TBC1D8: variants seen among roughly 807,000 people sequenced by gnomAD.
TBC1D8 encodes the protein BUB2-like protein 1.
TBC1D8 carries 65 observed loss-of-function variants against 118.8 expected under a neutral mutation model. That is an observed-to-expected ratio of 0.55 (90% CI 0.45 to 0.67). The LOEUF (loss-of-function observed/expected upper bound fraction) is 0.67. TBC1D8 is among the 30% of genes least tolerant of loss of function. The pLI, the probability that TBC1D8 is intolerant of heterozygous loss-of-function variation, is 0.00. For missense variants in TBC1D8, 1,376 were observed against 1,471.2 expected (o/e 0.94, Z 1.06); for synonymous variants, 566 against 595.8 (o/e 0.95, Z 0.73).
At position 101,042,741 on chromosome 2, in the gene TBC1D8, T is replaced by C. The variant is rs534735407; in HGVS notation, c.873-2356A>G. ...CTTACATTTTCTACATGACTACATATTAGCTTTAAAAAAAAAAAAAACCTT... is the reference window on the plus strand; with the variant it reads ...CTTACATTTTCTACATGACTACATACTAGCTTTAAAAAAAAAAAAAACCTT... On this transcript the variant is annotated intron_variant, in intron 5 of 19. Coordinates refer to ENST00000409318, the MANE Select transcript of TBC1D8 (RefSeq NM_001330348.2). 8.0e-4 allele frequency among the ~76,000 whole-genome samples: 120 copies of C among 150,814 alleles called. 1 individual carries two copies. The South Asian group carries it at 0.024, about 31-fold the overall frequency.
chr2:101,070,858 T>C (rs1683273705), intron 2 of TBC1D8, among the ~76,000 whole-genome samples: 11 of 152,180 alleles, frequency 7.2e-5, no homozygotes, highest in Admixed American at 7.2e-4. Context: ...GTTACTGTAA[T>C]TATCTACATA....
chr2:101,139,687 A>G (rs1679015879), intron 1 of TBC1D8, among the ~76,000 whole-genome samples: 1 of 151,964 alleles, frequency 6.6e-6, no homozygotes, highest in Non-Finnish European at 1.5e-5. Context: ...AGGCCTCAGG[A>G]CCTTTGCACA....
intron 1 of TBC1D8, among the ~76,000 whole-genome samples, chr2:101,117,998 T>C (rs1290511016): frequency 6.6e-6 from 1 of 150,630 alleles, no homozygotes; most frequent in Admixed American, 6.6e-5. Context: ...AGTAACTTCC[T>C]CCTCCTTGAC....
chr2:101,078,765 A>AAAAAAAAAAG, intron 2 of TBC1D8, among the ~76,000 whole-genome samples: 1 of 65,878 alleles, frequency 1.5e-5, no homozygotes, highest in Non-Finnish European at 3.5e-5. Context: ...AAAAAAAAAA[A>AAAAAAAAAAG]AAAAAAAAAG....
intron 1 of TBC1D8, among the ~76,000 whole-genome samples, chr2:101,137,030 T>TC (rs1678883818): frequency 8.8e-6 from 1 of 113,546 alleles, no homozygotes; most frequent in African/African-American, 3.1e-5. Context: ...CTAGGCTAAT[T>TC]CTTTTTTTTT....
At chr2:101,038,371 C>T (rs1396029828) in intron 7 of TBC1D8, 90 bp downstream of exon 7, 6 of 1,392,290 alleles carry the variant, frequency 4.3e-6, no homozygotes, top group Non-Finnish European at 5.9e-6. Context: ...TCTTCTCATC[C>T]CCACATGGCT....
At chr2:101,137,382 G>A (rs574131602) in intron 1 of TBC1D8, among the ~76,000 whole-genome samples, 91 of 151,786 alleles carry the variant, frequency 6.0e-4, no homozygotes, top group Non-Finnish European at 1.2e-3. Context: ...GCATGATCTC[G>A]GCTCACTGCA....
intron 17 of TBC1D8, among the ~76,000 whole-genome samples, chr2:101,011,923 G>A (rs1374246729): frequency 1.3e-5 from 2 of 152,258 alleles, no homozygotes; most frequent in Admixed American, 6.5e-5. Context: ...TCTGGGTGGT[G>A]GAGTAATTGG....
At position 101,040,286 on chromosome 2, in the gene TBC1D8, C is replaced by T. The variant is rs34425369; in HGVS notation, c.972G>A (p.Thr324=). 1.1e-3 allele frequency: 1,830 copies of T among 1,614,010 alleles called. 11 individuals are homozygous for T. Among genetic ancestry groups the T allele is most frequent in the Middle Eastern group, 0.01 (63 of 6,062 alleles). Residue 324 remains threonine (T), a synonymous_variant, in exon 6 of 20, where the codon ACG becomes ACA. Coordinates refer to ENST00000409318, the MANE Select transcript of TBC1D8 (RefSeq NM_001330348.2). ...LHAVVDCSLW[T]PFSRCHTTGR... Reference sequence around the variant, plus strand: ...CCGTGGTGTGACAGCGACTGAACGGCGTCCAGAGCGAACAGTCCACAACCG... The same window carrying T: ...CCGTGGTGTGACAGCGACTGAACGGTGTCCAGAGCGAACAGTCCACAACCG...
intron 1 of TBC1D8, among the ~76,000 whole-genome samples, chr2:101,147,951 C>G (rs1358222921): frequency 1.3e-5 from 2 of 152,068 alleles, no homozygotes; most frequent in Admixed American, 6.6e-5. Flanking sequence ...CTTCCGCAAG[C>G]AGAAGTTTGG....
chr2:101,071,011 G>A (rs1191452391), intron 2 of TBC1D8, among the ~76,000 whole-genome samples: 1 of 151,984 alleles, frequency 6.6e-6, no homozygotes, highest in Non-Finnish European at 1.5e-5. Flanking sequence ...GTAATTCTTG[G>A]GGGTTTGTCT....
Position 101,151,282 on chromosome 2 carries a change from C to G in TBC1D8, c.-29G>C, listed in dbSNP as rs1052542694. On this transcript the variant is annotated 5_prime_UTR_variant, in exon 1 of 20. Transcript: ENST00000409318. ...GGCGGTCCGGCCGCGCCCGCCGGCC[C>G]CAGCTCACATCTCCCCGGCCGCCGG... 1.1e-4 allele frequency: 126 copies of G among 1,132,480 alleles called. No individual in the cohort carries two copies. The highest frequency in any genetic ancestry group is 1.3e-4 in the Non-Finnish European group (122 of 908,600). 70.2% of individuals were successfully genotyped at this position (1,132,480 alleles called of 1,614,324 possible). A position where few individuals can be genotyped will look rare whatever the true frequency, so the allele number is the denominator to read the frequency against.
At chr2:101,082,058 GA>G (rs1675299960) in intron 2 of TBC1D8, among the ~76,000 whole-genome samples, 1 of 152,186 alleles carries the variant, frequency 6.6e-6, no homozygotes, top group Non-Finnish European at 1.5e-5. Context: ...AGAATCACTC[GA>G]GCCTGGGAGG....
intron 11 of TBC1D8, among the ~76,000 whole-genome samples, 186 bp downstream of exon 11, chr2:101,032,082 A>C (rs1680702380): frequency 6.6e-6 from 1 of 152,196 alleles, no homozygotes; most frequent in Non-Finnish European, 1.5e-5. Flanking sequence ...TTATTCCACT[A>C]CATTGTCAGA....
chr2:101,010,741 A>G (rs755668085), intron 19 of TBC1D8, among the ~76,000 whole-genome samples, 188 bp downstream of exon 19: 18 of 151,928 alleles, frequency 1.2e-4, no homozygotes, highest in Non-Finnish European at 1.9e-4. Context: ...AAATAGCCAG[A>G]CGTGGTTGCA....
At chr2:101,066,717 C>T (rs11686916) in intron 2 of TBC1D8, among the ~76,000 whole-genome samples, 57,757 of 151,846 alleles carry the variant, frequency 0.38, 12,903 homozygotes, top group South Asian at 0.52. Context: ...GAGGCTGAGG[C>T]GGGCAGATCA....
chr2:101,032,353 C>T lies in TBC1D8; in HGVS notation c.1851G>A (p.Leu617=), dbSNP rs769382896. Residue 617 remains leucine (L), a synonymous_variant, in exon 11 of 20, where the codon CTG becomes CTA. Coordinates refer to ENST00000409318, the MANE Select transcript of TBC1D8 (RefSeq NM_001330348.2). ...SMNILTSVLL[L]YTKEEEAFWL... The stretch of plus-strand genomic sequence containing the variant: ...AGAAGGCTTCCTCCTCCTTGGTGTA[C>T]AGCAGCAGCACGGAGGTCAGGATGT... 3.1e-6 allele frequency: 5 copies of T among 1,613,780 alleles called. No homozygotes were observed. The East Asian group carries it at 1.1e-4, about 36-fold the overall frequency.
chr2:101,082,586 C>T (rs1436172980), intron 2 of TBC1D8, among the ~76,000 whole-genome samples: 1 of 152,200 alleles, frequency 6.6e-6, no homozygotes, highest in Admixed American at 6.5e-5. Flanking sequence ...GAATATCATT[C>T]AGCTGTAAAA....
chr2:101,151,248 C>A lies in TBC1D8; in HGVS notation c.6G>T (p.Trp2Cys), dbSNP rs1573129343. M[W>C]LKPEEVLLKN... The stretch of plus-strand genomic sequence containing the variant: ...TCAGCAGCACCTCCTCGGGCTTGAG[C>A]CACATCGCGGCGGTCCGGCCGCGCC... The change falls in exon 1 of 20, where the codon TGG becomes TGT. Residue 2 changes from tryptophan to cysteine, a missense_variant. Transcript: ENST00000409318. 1 of 1,183,400 alleles carries A rather than the reference C, an allele frequency of 8.5e-7. No homozygotes were observed. The allele number at this position is 1,183,400 out of a possible 1,614,324, so 73.3% of individuals were successfully genotyped here. A position where few individuals can be genotyped will look rare whatever the true frequency, so the allele number is the denominator to read the frequency against.
Sources: allele counts gnomAD v4.1 joint callset (sites outside exome capture counted in the v4.1 genomes callset), GRCh38; gene constraint gnomAD v4.1.1; transcripts MANE v1.5; gene names NCBI Gene and HGNC (gene_info 2026-07-23, HGNC 2026-07-21).